The following FANCC variants were observed in gnomAD, a reference collection of about 807,000 sequenced individuals.
FANCC encodes Fanconi anemia group C protein.
In FANCC, 55 loss-of-function variants were observed where a neutral mutation model predicts 71.3. The observed-to-expected ratio is 0.77, with a 90% CI of 0.62 to 0.97. The LOEUF (loss-of-function observed/expected upper bound fraction) is 0.97. Ranked by LOEUF, FANCC falls within the 50% of genes least tolerant of loss-of-function variation. The probability of loss-of-function intolerance (pLI) is 0.00; values close to 1 mark genes in which losing one functional copy is unlikely to be tolerated. For synonymous variants in FANCC, 275 were observed against 244.9 expected (o/e 1.12, Z -1.15); for missense variants, 678 against 670.9 (o/e 1.01, Z -0.12).
chr9:95,099,358 C>T lies in FANCC; in HGVS notation c.*2349G>A. ...AGTTCCTTCCAGGGTGGCTTCACGC[C>T]TTGCCATCCCTGCCTCCCTGCGGCT... On this transcript the variant is annotated 3_prime_UTR_variant, in exon 15 of 15. Transcript: ENST00000289081. 4.4e-6 allele frequency: 1 copy of T among 228,346 alleles called. No individual in the cohort carries two copies. Among genetic ancestry groups the T allele is most frequent in the Non-Finnish European group, 8.7e-6 (1 of 115,168 alleles). 14.1% of individuals were successfully genotyped at this position (228,346 alleles called of 1,614,324 possible).
intron 7 of FANCC, among the ~76,000 whole-genome samples, chr9:95,147,255 C>T (rs1469674282): frequency 1.3e-5 from 2 of 152,126 alleles, no homozygotes; most frequent in African/African-American, 2.4e-5. Context: ...CAGTGGCTCA[C>T]GCCTGTAATC....
intron 7 of FANCC, among the ~76,000 whole-genome samples, chr9:95,136,246 A>T (rs966118250): frequency 3.3e-5 from 5 of 151,892 alleles, no homozygotes; most frequent in African/African-American, 4.8e-5. Context: ...TTTTTTTTTT[A>T]AATTAGCCTG....
rs920959525 is a variant in FANCC at position 95,123,797 on chromosome 9, A to G, written c.996+1289T>C. On this transcript the variant is annotated intron_variant, in intron 10 of 14. Coordinates refer to ENST00000289081, the MANE Select transcript of FANCC (RefSeq NM_000136.3). ...CAGGAATCGATCTTGTGAAGCCCAC[A>G]AGGACTGAACACCCCTACTCCAATT... 23 of 695,916 alleles carry G rather than the reference A, an allele frequency of 3.3e-5. No individual in the cohort carries two copies. In the Admixed American group the frequency reaches 3.9e-4, roughly 12 times the overall value. The allele number at this position is 695,916 out of a possible 1,614,324, so 43.1% of individuals were successfully genotyped here.
At chr9:95,177,566 T>C (rs1826090922) in intron 4 of FANCC, among the ~76,000 whole-genome samples, 1 of 152,248 alleles carries the variant, frequency 6.6e-6, no homozygotes, top group African/African-American at 2.4e-5. Flanking sequence ...TTTTGGACTA[T>C]TACAATCAAT....
intron 14 of FANCC, among the ~76,000 whole-genome samples, chr9:95,104,847 A>G (rs571476442): frequency 6.6e-6 from 1 of 152,124 alleles, no homozygotes; most frequent in African/African-American, 2.4e-5. Flanking sequence ...AGGGCTGACC[A>G]TCTCCCCACT....
intron 4 of FANCC, among the ~76,000 whole-genome samples, chr9:95,213,996 A>G (rs903181525): frequency 6.6e-6 from 1 of 152,236 alleles, no homozygotes; most frequent in Non-Finnish European, 1.5e-5. Flanking sequence ...CTGAACAGGC[A>G]TTTCTCCAAA....
At chr9:95,196,705 C>A (rs1016246891) in intron 4 of FANCC, among the ~76,000 whole-genome samples, 1 of 152,196 alleles carries the variant, frequency 6.6e-6, no homozygotes, top group Non-Finnish European at 1.5e-5. Flanking sequence ...AAACTGCACA[C>A]TCTCTGAGGG....
At chr9:95,106,644 A>T (rs949280295) in intron 14 of FANCC, among the ~76,000 whole-genome samples, 1 of 152,182 alleles carries the variant, frequency 6.6e-6, no homozygotes, top group African/African-American at 2.4e-5. Flanking sequence ...CAATTTTTTT[A>T]AAGATTAACA....
At chr9:95,213,736 CA>C (rs1321335205) in intron 4 of FANCC, among the ~76,000 whole-genome samples, 1 of 152,126 alleles carries the variant, frequency 6.6e-6, no homozygotes, top group East Asian at 1.9e-4. Flanking sequence ...AGCTTTATGA[CA>C]ACAGATTTGG....
At chr9:95,193,733 T>G (rs1827247222) in intron 4 of FANCC, among the ~76,000 whole-genome samples, 1 of 152,108 alleles carries the variant, frequency 6.6e-6, no homozygotes. Context: ...GTGCCCAAAT[T>G]GCAAGGGCGG....
At position 95,135,850 on chromosome 9, in the gene FANCC, T is replaced by G. The variant is rs1295548462; in HGVS notation, c.687-348A>C. On this transcript the variant is annotated intron_variant, in intron 7 of 14. Coordinates refer to ENST00000289081, the MANE Select transcript of FANCC (RefSeq NM_000136.3). ...CAGTCCCTAACTGAAGAAATAGGCA[T>G]GTTCAAACACGCGTAATCATGCCTC... is the stretch of plus-strand genomic sequence containing the variant. 3.9e-5 allele frequency among the ~76,000 whole-genome samples: 6 copies of G among 152,178 alleles called. No individual in the cohort carries two copies. In the East Asian group the frequency reaches 1.2e-3, roughly 29 times the overall value.
chr9:95,256,695 C>T (rs539334458), intron 1 of FANCC, among the ~76,000 whole-genome samples: 17 of 152,112 alleles, frequency 1.1e-4, no homozygotes, highest in African/African-American at 3.4e-4. Context: ...AAATATTAAC[C>T]GTAAATGTAA....
chr9:95,315,805 T>C (rs1328597930), intron 1 of FANCC, among the ~76,000 whole-genome samples: 5 of 152,236 alleles, frequency 3.3e-5, no homozygotes, highest in Non-Finnish European at 5.9e-5. Flanking sequence ...TCAATCCAAC[T>C]TTCTACTGGC....
At chr9:95,115,601 C>A (rs1458529263) in intron 11 of FANCC, among the ~76,000 whole-genome samples, 1 of 152,202 alleles carries the variant, frequency 6.6e-6, no homozygotes, top group African/African-American at 2.4e-5. Context: ...TTAAATACAG[C>A]TGAGCAGCAC....
intron 4 of FANCC, among the ~76,000 whole-genome samples, chr9:95,239,404 G>T (rs1231019672): frequency 1.3e-5 from 2 of 152,104 alleles, no homozygotes; most frequent in Non-Finnish European, 2.9e-5. Flanking sequence ...TTTTAAACAG[G>T]CTAATAAAGT....
At chr9:95,240,086 A>G (rs899391096) in intron 4 of FANCC, among the ~76,000 whole-genome samples, 2 of 152,208 alleles carry the variant, frequency 1.3e-5, no homozygotes, top group Non-Finnish European at 2.9e-5. Flanking sequence ...GGAAATCTAG[A>G]AAGCTGTCAG....
chr9:95,115,564 C>T (rs1039557744), intron 11 of FANCC, among the ~76,000 whole-genome samples: 4 of 152,222 alleles, frequency 2.6e-5, no homozygotes, highest in Non-Finnish European at 5.9e-5. Context: ...GAGTGAGCTG[C>T]TCTGGTTTCA....
At chr9:95,201,198 C>T (rs539873110) in intron 4 of FANCC, among the ~76,000 whole-genome samples, 2 of 151,996 alleles carry the variant, frequency 1.3e-5, no homozygotes, top group South Asian at 4.2e-4. Context: ...CACGTTAATG[C>T]CAATAAAAAA....
chr9:95,117,964 T>G (rs553545178), intron 10 of FANCC, among the ~76,000 whole-genome samples: 16 of 152,072 alleles, frequency 1.1e-4, no homozygotes, highest in African/African-American at 3.1e-4. Flanking sequence ...TCAGGTGATC[T>G]GGCCGCCTCG....
Sources: gnomAD v4.1 joint callset for allele counts (sites outside exome capture counted in the v4.1 genomes callset) on GRCh38, gnomAD v4.1.1 for gene constraint, MANE v1.5 for transcripts, NCBI Gene and HGNC (gene_info 2026-07-23, HGNC 2026-07-21) for gene names.